Variants in LYPLAL1 observed in about 807,000 individuals in gnomAD.
LYPLAL1 encodes the protein lysophospholipase-like protein 1.
A neutral mutation model predicts 19.7 loss-of-function variants in LYPLAL1; 23 were observed. That is an observed-to-expected ratio of 1.17 (90% CI 0.84 to 1.65). LYPLAL1 has a LOEUF of 1.65. LYPLAL1 is among the 40% of genes most tolerant of loss of function. The pLI, the probability that LYPLAL1 is intolerant of heterozygous loss-of-function variation, is 0.00. For synonymous variants in LYPLAL1, 119 were observed against 96.3 expected (o/e 1.24, Z -1.38); for missense variants, 355 against 279.4 (o/e 1.27, Z -1.93).
downstream of LYPLAL1, among the ~76,000 whole-genome samples, chr1:219,216,370 C>T (rs1334989289): frequency 6.6e-6 from 1 of 152,048 alleles, no homozygotes; most frequent in East Asian, 1.9e-4. Flanking sequence ...TAAATATTCA[C>T]AAGTTTTGTC....
chr1:219,336,733 A>G, the LYPLAL1 span, among the ~76,000 whole-genome samples: 2 of 152,028 alleles, frequency 1.3e-5, no homozygotes, highest in Non-Finnish European at 2.9e-5. Context: ...TTCTCATGGC[A>G]ATGTGCAACC....
At chr1:219,233,787 A>G in the LYPLAL1 span, among the ~76,000 whole-genome samples, 1 of 151,380 alleles carries the variant, frequency 6.6e-6, no homozygotes, top group Non-Finnish European at 1.5e-5. Flanking sequence ...AAAAAAGATG[A>G]TAAATTTTAT....
the LYPLAL1 span, among the ~76,000 whole-genome samples, chr1:219,368,734 G>A: frequency 1.3e-5 from 2 of 152,204 alleles, no homozygotes; most frequent in Non-Finnish European, 2.9e-5. Context: ...CACCATTAAA[G>A]TAAAAGCAGA....
At chr1:219,339,172 C>T in the LYPLAL1 span, among the ~76,000 whole-genome samples, 4 of 151,810 alleles carry the variant, frequency 2.6e-5, no homozygotes, top group East Asian at 3.9e-4. Flanking sequence ...TCTCACCCTG[C>T]GTAAGTCATA....
the LYPLAL1 span, among the ~76,000 whole-genome samples, chr1:219,315,189 T>C: frequency 2.6e-5 from 4 of 152,218 alleles, no homozygotes; most frequent in Admixed American, 2.6e-4. Flanking sequence ...CGTGATATGT[T>C]ATTATAGAAA....
the LYPLAL1 span, among the ~76,000 whole-genome samples, chr1:219,338,543 A>G: frequency 2.0e-5 from 3 of 151,988 alleles, no homozygotes; most frequent in East Asian, 3.9e-4. Context: ...TTTAAAAACT[A>G]GAGTGAAAAT....
the LYPLAL1 span, among the ~76,000 whole-genome samples, chr1:219,363,757 T>G: frequency 6.6e-6 from 1 of 152,204 alleles, no homozygotes; most frequent in Non-Finnish European, 1.5e-5. Context: ...CAGACTCTGA[T>G]GGTTGGCAAC....
intron 2 of LYPLAL1, among the ~76,000 whole-genome samples, chr1:219,184,704 T>C (rs1330843821): frequency 2.0e-5 from 3 of 151,992 alleles, no homozygotes; most frequent in African/African-American, 7.2e-5. Flanking sequence ...TCATGGTTTT[T>C]ATCTTTCATT....
the LYPLAL1 span, among the ~76,000 whole-genome samples, chr1:219,405,519 A>G: frequency 1.3e-5 from 2 of 152,234 alleles, no homozygotes; most frequent in African/African-American, 4.8e-5. Flanking sequence ...ACACACGTAT[A>G]TATCTACCAC....
chr1:219,425,489 A>G, the LYPLAL1 span, among the ~76,000 whole-genome samples: 1 of 152,200 alleles, frequency 6.6e-6, no homozygotes, highest in Non-Finnish European at 1.5e-5. Context: ...ATAGTTTAAA[A>G]TCATATATTT....
At chr1:219,211,113 C>A (rs1658999760) in intron 4 of LYPLAL1, among the ~76,000 whole-genome samples, 1 of 152,076 alleles carries the variant, frequency 6.6e-6, no homozygotes, top group Non-Finnish European at 1.5e-5. Context: ...AAAGCAGATA[C>A]AGAATAGAGA....
the LYPLAL1 span, among the ~76,000 whole-genome samples, chr1:219,301,703 A>G: frequency 6.6e-6 from 1 of 152,176 alleles, no homozygotes; most frequent in Non-Finnish European, 1.5e-5. Flanking sequence ...ACCCTATTCA[A>G]TAAGATTCTT....
chr1:219,221,190 T>C, the LYPLAL1 span, among the ~76,000 whole-genome samples: 1 of 152,140 alleles, frequency 6.6e-6, no homozygotes, highest in South Asian at 2.1e-4. Context: ...TTTTCAGTTA[T>C]GAATAGTTGG....
the LYPLAL1 span, chr1:219,272,277 A>G: frequency 4.6e-5 from 7 of 152,364 alleles, no homozygotes; most frequent in Non-Finnish European, 8.8e-5. Flanking sequence ...AAGCCTTATC[A>G]ACTAGAGGTG....
chr1:219,196,463 A>G (rs1019028495), intron 3 of LYPLAL1, among the ~76,000 whole-genome samples: 1 of 151,954 alleles, frequency 6.6e-6, no homozygotes, highest in African/African-American at 2.4e-5. Context: ...GCTTTTTTTC[A>G]TGTTTTTTGG....
chr1:219,302,549 G>T, the LYPLAL1 span, among the ~76,000 whole-genome samples: 1 of 152,094 alleles, frequency 6.6e-6, no homozygotes, highest in East Asian at 1.9e-4. Flanking sequence ...GTGAATCTAG[G>T]CAAGTTTCCA....
At chr1:219,227,151 T>A in the LYPLAL1 span, among the ~76,000 whole-genome samples, 8 of 152,358 alleles carry the variant, frequency 5.3e-5, no homozygotes, top group Admixed American at 3.9e-4. Flanking sequence ...TATTGAACAT[T>A]ATTGTAAATG....
the LYPLAL1 span, among the ~76,000 whole-genome samples, chr1:219,302,366 T>C: frequency 6.6e-6 from 1 of 152,196 alleles, no homozygotes; most frequent in African/African-American, 2.4e-5. Context: ...CTCCAGGCCC[T>C]GAGCATATTC....
the LYPLAL1 span, among the ~76,000 whole-genome samples, chr1:219,350,286 A>AT: frequency 8.7e-5 from 13 of 149,972 alleles, no homozygotes; most frequent in East Asian, 3.9e-4. Context: ...CAAGGTTGTT[A>AT]TTTTTTTTTT....
Sources: gnomAD v4.1 joint callset for allele counts (sites outside exome capture counted in the v4.1 genomes callset) on GRCh38, gnomAD v4.1.1 for gene constraint, MANE v1.5 for transcripts, NCBI Gene and HGNC (gene_info 2026-07-23, HGNC 2026-07-21) for gene names.